Variants in OR1L8 observed in about 807,000 individuals in gnomAD.
OR1L8 encodes olfactory receptor 1L8.
For synonymous variants in OR1L8, 148 were observed against 147.0 expected (o/e 1.01, Z -0.05); for missense variants, 330 against 377.4 (o/e 0.87, Z 1.04).
At chr9:122,570,987 T>C (rs1428287827) in intron 4 of OR1L8, among the ~76,000 whole-genome samples, 2 of 152,206 alleles carry the variant, frequency 1.3e-5, no homozygotes, top group Admixed American at 1.3e-4. Context: ...TGAATAATAG[T>C]AAAAATTTGA....
the OR1L8 span, among the ~76,000 whole-genome samples, chr9:122,560,664 T>G: frequency 6.6e-6 from 1 of 152,234 alleles, no homozygotes; most frequent in Admixed American, 6.5e-5. Flanking sequence ...CCCCACTCTC[T>G]TCTGGCATGT....
the OR1L8 span, among the ~76,000 whole-genome samples, chr9:122,556,838 G>A: frequency 6.6e-6 from 1 of 152,092 alleles, no homozygotes; most frequent in African/African-American, 2.4e-5. Context: ...TAATCAAGTT[G>A]GGAAGAATGA....
rs552783753 is a variant in OR1L8, at chr9:122,581,227, A to G, written c.-600+2094T>C. Among the ~76,000 whole-genome samples the G allele has an allele frequency of 4.6e-5, 7 of 152,084 alleles. No individual in the cohort carries two copies. The South Asian group carries it at 1.5e-3, about 32-fold the overall frequency. On this transcript the variant is annotated intron_variant, in intron 1 of 4. Coordinates refer to ENST00000641027, the MANE Select transcript of OR1L8 (RefSeq NM_001004454.2). The stretch of plus-strand genomic sequence containing the variant: ...CTAAAAATACAAAAATTAGCTGGGT[A>G]TGGTGGCATGTGCCTGTAATCCCAG...
At chr9:122,569,980 T>A (rs1377848763) in intron 4 of OR1L8, among the ~76,000 whole-genome samples, 5 of 150,422 alleles carry the variant, frequency 3.3e-5, no homozygotes, top group South Asian at 4.3e-4. Flanking sequence ...ATTTCCAATT[T>A]CATCCATGTC....
At chr9:122,552,234 A>G in the OR1L8 span, among the ~76,000 whole-genome samples, 1 of 152,212 alleles carries the variant, frequency 6.6e-6, no homozygotes, top group South Asian at 2.1e-4. Context: ...AAAAGCTTCT[A>G]AGGCCAAACT....
chr9:122,550,514 C>T, the OR1L8 span, among the ~76,000 whole-genome samples: 7 of 151,068 alleles, frequency 4.6e-5, no homozygotes, highest in African/African-American at 1.5e-4. Context: ...TACTAGCAAA[C>T]TGAATCCAAC....
At chr9:122,553,752 T>C in the OR1L8 span, 34 of 1,613,924 alleles carry the variant, frequency 2.1e-5, no homozygotes, top group Non-Finnish European at 2.5e-5. Flanking sequence ...CCCTCATTTC[T>C]ATTGTGATCC....
intron 4 of OR1L8, among the ~76,000 whole-genome samples, chr9:122,571,367 C>T (rs1420825031): frequency 2.6e-5 from 4 of 151,738 alleles, no homozygotes; most frequent in Admixed American, 6.6e-5. Flanking sequence ...CTGGCCAACA[C>T]GGTTAAATCC....
chr9:122,562,361 AG>A (rs1438607257), downstream of OR1L8, among the ~76,000 whole-genome samples: 4 of 152,230 alleles, frequency 2.6e-5, no homozygotes, highest in Non-Finnish European at 4.4e-5. Context: ...AACTCCTCCC[AG>A]GAAGTCAGCA....
chr9:122,562,734 T>A (rs1282969491), downstream of OR1L8, among the ~76,000 whole-genome samples: 1 of 152,184 alleles, frequency 6.6e-6, no homozygotes. Flanking sequence ...ATTCAACTTT[T>A]TAAAAATCCC....
Position 122,567,917 on chromosome 9 carries a change from T to C in OR1L8, c.561A>G (p.Lys187=), listed in dbSNP as rs1829462992. Residue 187 remains lysine (K), a synonymous_variant, in exon 5 of 5, where the codon AAA becomes AAG. Transcript: ENST00000641027. ...TGACAAATATGGAAGAGCAGGACAA[T>C]TTCAGCACAGGGCTGAGGTCACAGA... ...HFLCDLSPVL[K]LSCSSIFVNE... The C allele has an allele frequency of 4.3e-6, 7 of 1,614,010 alleles. No individual in the cohort carries two copies. The East Asian group carries it at 1.6e-4, about 36-fold the overall frequency.
chr9:122,562,607 C>T (rs113607555), downstream of OR1L8, among the ~76,000 whole-genome samples: 66 of 151,800 alleles, frequency 4.3e-4, no homozygotes, highest in African/African-American at 1.4e-3. Flanking sequence ...TGCCACACCA[C>T]ACTGCACTTC....
chr9:122,553,434 T>C, the OR1L8 span: 2 of 1,614,060 alleles, frequency 1.2e-6, no homozygotes, highest in African/African-American at 2.7e-5. Context: ...AACTGATGCC[T>C]GTTTCACTTC....
the OR1L8 span, chr9:122,553,152 A>G: frequency 4.5e-6 from 7 of 1,560,654 alleles, no homozygotes; most frequent in Non-Finnish European, 5.2e-6. Context: ...AATTGATCTA[A>G]TAAATAAATA....
At chr9:122,556,526 G>A in the OR1L8 span, among the ~76,000 whole-genome samples, 638 of 152,178 alleles carry the variant, frequency 4.2e-3, 9 homozygotes, top group African/African-American at 0.014. Context: ...GGGGGTTAGG[G>A]GACAAGGGGA....
Position 122,580,385 on chromosome 9 carries a change from C to T in OR1L8, c.-599-1940G>A, listed in dbSNP as rs78749512. Among the ~76,000 whole-genome samples the T allele has an allele frequency of 9.3e-3, 1,408 of 152,192 alleles. 19 individuals carry two copies. The highest frequency in any genetic ancestry group is 0.031 in the African/African-American group (1,298 of 41,520). ...ACTAGAATGCGGTCAGAATGAATGC[C>T]GAGTGCCAATGATCATTTACAAATA... On this transcript the variant is annotated intron_variant, in intron 1 of 4. Coordinates refer to ENST00000641027, the MANE Select transcript of OR1L8 (RefSeq NM_001004454.2).
In OR1L8 at chr9:122,570,626, T is replaced by A. The variant is rs139085378; in HGVS notation, c.-212-1937A>T. On this transcript the variant is annotated intron_variant, in intron 4 of 4. Transcript: ENST00000641027. ...TATTGTAAAAACATTCAGGACAAGCTGTTCCCCAGCCACCTCAGCGTCATC... is the reference window on the plus strand; with the variant it reads ...TATTGTAAAAACATTCAGGACAAGCAGTTCCCCAGCCACCTCAGCGTCATC... Among the ~76,000 whole-genome samples the A allele has an allele frequency of 2.1e-3, 320 of 152,316 alleles. 1 individual carries two copies. The highest frequency in any genetic ancestry group is 3.4e-3 in the Middle Eastern group (1 of 294).
intron 4 of OR1L8, among the ~76,000 whole-genome samples, chr9:122,572,579 G>GTTT (rs76223207): frequency 1.4e-5 from 2 of 147,972 alleles, no homozygotes; most frequent in East Asian, 2.0e-4. Context: ...TTTGGGTTTG[G>GTTT]TTTTTTTTTT....
intron 4 of OR1L8, among the ~76,000 whole-genome samples, chr9:122,570,141 T>C (rs10818720): frequency 0.23 from 33,190 of 146,066 alleles, 4,151 homozygotes; most frequent in Middle Eastern, 0.34. Context: ...AATAAACATA[T>C]GTGTGCATGT....
Sources: allele counts gnomAD v4.1 joint callset (sites outside exome capture counted in the v4.1 genomes callset), GRCh38; gene constraint gnomAD v4.1.1; transcripts MANE v1.5; gene names NCBI Gene and HGNC (gene_info 2026-07-23, HGNC 2026-07-21).